Variants in ATXN7L1 observed in about 807,000 individuals in gnomAD.
The protein encoded by ATXN7L1 is ataxin-7-like protein 1.
A neutral mutation model predicts 70.8 loss-of-function variants in ATXN7L1; 15 were observed. That is an observed-to-expected ratio of 0.21 (90% confidence interval 0.14 to 0.33). The LOEUF (loss-of-function observed/expected upper bound fraction) is 0.33, where lower values mean the gene tolerates loss of function less well. Ranked by LOEUF, ATXN7L1 falls within the 10% of genes least tolerant of loss-of-function variation. ATXN7L1 has a pLI of 1.00. For synonymous variants in ATXN7L1, 440 were observed against 445.1 expected, an observed-to-expected ratio of 0.99 and a Z score of 0.14; for missense variants, 975 against 1,097.1, an observed-to-expected ratio of 0.89 and a Z score of 1.57.
chr7:105,690,176 T>C (rs1376859593), intron 3 of ATXN7L1, among the ~76,000 whole-genome samples: 1 of 152,028 alleles, frequency 6.6e-6, no homozygotes, highest in African/African-American at 2.4e-5. Context: ...AGCTAATTTT[T>C]GTATTTTTCG....
intron 3 of ATXN7L1, among the ~76,000 whole-genome samples, chr7:105,781,617 T>C (rs988838960): frequency 1.3e-5 from 2 of 152,218 alleles, no homozygotes; most frequent in African/African-American, 4.8e-5. Context: ...AAGATTTCAT[T>C]ATAAATCTCT....
chr7:105,864,332 C>T (rs1483663953), intron 2 of ATXN7L1, among the ~76,000 whole-genome samples: 1 of 151,678 alleles, frequency 6.6e-6, no homozygotes, highest in Non-Finnish European at 1.5e-5. Context: ...GCAGCACACG[C>T]CTGTAGTCCT....
intron 3 of ATXN7L1, among the ~76,000 whole-genome samples, chr7:105,749,710 G>A (rs905878148): frequency 1.3e-5 from 2 of 150,042 alleles, no homozygotes; most frequent in African/African-American, 2.4e-5. Context: ...GAAAGTAGTA[G>A]ACAGCATTAG....
intron 3 of ATXN7L1, among the ~76,000 whole-genome samples, chr7:105,730,436 T>A (rs556516013): frequency 3.8e-4 from 58 of 151,686 alleles, no homozygotes; most frequent in African/African-American, 1.4e-3. Context: ...CTGGCACAGC[T>A]AAGAGGAGGC....
intron 2 of ATXN7L1, among the ~76,000 whole-genome samples, chr7:105,797,335 G>GA (rs1161848641): frequency 6.6e-6 from 1 of 152,138 alleles, no homozygotes; most frequent in East Asian, 1.9e-4. Flanking sequence ...TCCGCCCCCG[G>GA]ACCCCAACCC....
intron 11 of ATXN7L1, among the ~76,000 whole-genome samples, chr7:105,609,714 G>T (rs1343882884): frequency 1.3e-5 from 2 of 151,700 alleles, no homozygotes; most frequent in East Asian, 1.9e-4. Flanking sequence ...CTCCTGCCTC[G>T]GCCTCCCAAA....
chr7:105,664,133 T>C (rs1407715484), intron 4 of ATXN7L1, among the ~76,000 whole-genome samples: 1 of 152,126 alleles, frequency 6.6e-6, no homozygotes, highest in African/African-American at 2.4e-5. Flanking sequence ...GGCTTTCTTC[T>C]CTTTCTCCCA....
At chr7:105,707,159 T>C (rs1793287062) in intron 3 of ATXN7L1, among the ~76,000 whole-genome samples, 1 of 152,100 alleles carries the variant, frequency 6.6e-6, no homozygotes, top group Non-Finnish European at 1.5e-5. Flanking sequence ...CTGGTGGAGT[T>C]AGATTTGATT....
chr7:105,876,343 A>G, intron 1 of ATXN7L1, 35 bp downstream of exon 1: 2 of 1,554,340 alleles, frequency 1.3e-6, no homozygotes, highest in Non-Finnish European at 1.7e-6. Context: ...AGGTTACAGG[A>G]TAATAAAAGG....
chr7:105,787,511 A>C, intron 3 of ATXN7L1, among the ~76,000 whole-genome samples: 1 of 152,310 alleles, frequency 6.6e-6, no homozygotes, highest in South Asian at 2.1e-4. Context: ...ATATATGTAG[A>C]TATGTATATA....
At chr7:105,749,179 T>C (rs546374763) in intron 3 of ATXN7L1, among the ~76,000 whole-genome samples, 2 of 148,478 alleles carry the variant, frequency 1.3e-5, no homozygotes, top group East Asian at 4.2e-4. Context: ...TGGAGAAATG[T>C]TTGGAAGTGT....
intron 4 of ATXN7L1, among the ~76,000 whole-genome samples, chr7:105,660,652 G>C (rs1254093989): frequency 8.0e-6 from 1 of 124,438 alleles, no homozygotes; most frequent in Admixed American, 1.0e-4. Context: ...GCGCAATGTT[G>C]GCTCACTGCA....
chr7:105,759,477 TG>T lies in ATXN7L1; in HGVS notation c.355+29126del, dbSNP rs1563070762. The stretch of plus-strand genomic sequence containing the variant: ...GTGTGTGTGTGTGTGTGTGTGTGTG[TG>T]TGTGTGTGTGTGTATGTCAGAGTGA... On this transcript the variant is annotated intron_variant, in intron 3 of 11. Transcript: ENST00000419735. 1.9e-4 allele frequency among the ~76,000 whole-genome samples: 23 copies of T among 120,156 alleles called. 1 individual carries two copies. Among genetic ancestry groups the T allele is most frequent in the Middle Eastern group, 7.6e-3 (2 of 264 alleles). The allele number at this position is 120,156 out of a possible 152,430, so 78.8% of individuals were successfully genotyped here. A position where few individuals can be genotyped will look rare whatever the true frequency, so the allele number is the denominator to read the frequency against.
At chr7:105,634,127 G>C (rs375449594) in intron 7 of ATXN7L1, among the ~76,000 whole-genome samples, 1 of 152,202 alleles carries the variant, frequency 6.6e-6, no homozygotes, top group African/African-American at 2.4e-5. Flanking sequence ...GAAAAGCTGA[G>C]GAGTGATAGG....
At chr7:105,712,900 A>G (rs1011283264) in intron 3 of ATXN7L1, among the ~76,000 whole-genome samples, 4 of 152,212 alleles carry the variant, frequency 2.6e-5, no homozygotes, top group Non-Finnish European at 4.4e-5. Flanking sequence ...CACTCCTGGT[A>G]GCAATTTTCT....
intron 4 of ATXN7L1, among the ~76,000 whole-genome samples, chr7:105,660,644 G>A (rs993276939): frequency 5.8e-5 from 8 of 138,330 alleles, no homozygotes; most frequent in Admixed American, 1.6e-4. Flanking sequence ...GTGCAGTGGC[G>A]CAATGTTGGC....
At chr7:105,728,112 A>G (rs1796127339) in intron 3 of ATXN7L1, among the ~76,000 whole-genome samples, 2 of 152,154 alleles carry the variant, frequency 1.3e-5, no homozygotes, top group African/African-American at 4.8e-5. Flanking sequence ...ATGTTAAATT[A>G]AAAGGTATTT....
intron 4 of ATXN7L1, among the ~76,000 whole-genome samples, chr7:105,645,521 A>G (rs1220998319): frequency 1.3e-5 from 2 of 149,946 alleles, no homozygotes; most frequent in African/African-American, 2.5e-5. Context: ...AATTGGCCAC[A>G]CGTGGTGGCT....
At chr7:105,649,640 T>G (rs1799569497) in intron 4 of ATXN7L1, 14 of 906,142 alleles carry the variant, frequency 1.5e-5, no homozygotes, top group Non-Finnish European at 1.9e-5. Flanking sequence ...GCTGCCCACC[T>G]GCCAGCTACG....
Sources: gnomAD v4.1 joint callset for allele counts (sites outside exome capture counted in the v4.1 genomes callset) on GRCh38, gnomAD v4.1.1 for gene constraint, MANE v1.5 for transcripts, NCBI Gene and HGNC (gene_info 2026-07-23, HGNC 2026-07-21) for gene names.